TENM1: variants seen among roughly 807,000 people sequenced by gnomAD.
TENM1 encodes teneurin transmembrane protein 1.
Under a neutral mutation model 174.8 loss-of-function variants are expected in TENM1, and 35 were observed. The observed-to-expected ratio is 0.20, with a 90% CI of 0.15 to 0.27. The LOEUF is 0.27. Among genes scored for constraint, TENM1 ranks in the 10% least tolerant of loss-of-function variants. The pLI is 1.00. For synonymous variants in TENM1, 781 were observed against 798.7 expected (o/e 0.98, Z 0.37); for missense variants, 1,633 against 2,130.1 (o/e 0.77, Z 4.59).
chrX:124,567,528 G>A (rs900421682), intron 11 of TENM1, among the ~76,000 whole-genome samples: 2 of 111,956 alleles, frequency 1.8e-5, no homozygotes, highest in African/African-American at 6.5e-5. Context: ...CATGGAATTC[G>A]TTGATGACTT....
At chrX:124,506,196 G>A (rs146247046) in intron 18 of TENM1, among the ~76,000 whole-genome samples, 14 of 111,744 alleles carry the variant, frequency 1.3e-4, no homozygotes, top group Admixed American at 3.8e-4. Context: ...TCCCTTCTCC[G>A]GAAGGTGATT....
chrX:124,877,311 T>C (rs1356476026), intron 3 of TENM1, among the ~76,000 whole-genome samples: 1 of 112,336 alleles, frequency 8.9e-6, no homozygotes, highest in Admixed American at 9.4e-5. Context: ...ATTTGTAATT[T>C]TTTGGCTGCA....
In TENM1 at chrX:124,615,762, A is replaced by T. The variant is rs759772250; in HGVS notation, c.2077+26029T>A. On this transcript the variant is annotated intron_variant, in intron 11 of 31. Transcript: ENST00000422452. ...CTTGATGACTTTTGGATATAGGTTAACTTCTATGAAGTCTCGGTCACAGAG... is the reference window on the plus strand; with the variant it reads ...CTTGATGACTTTTGGATATAGGTTATCTTCTATGAAGTCTCGGTCACAGAG... 4.5e-5 allele frequency among the ~76,000 whole-genome samples: 5 copies of T among 111,710 alleles called. No homozygotes were observed. The Admixed American group carries it at 4.8e-4, about 11-fold the overall frequency.
At chrX:124,590,863 C>T (rs902001726) in intron 11 of TENM1, among the ~76,000 whole-genome samples, 19 of 111,816 alleles carry the variant, frequency 1.7e-4, no homozygotes, top group African/African-American at 6.2e-4. Flanking sequence ...TGTGTAGCTG[C>T]CTAAGTCTTT....
At chrX:124,977,967 TGAGAGAGAGAGAGAGAGAGAGA>T in the TENM1 span, among the ~76,000 whole-genome samples, 178 of 33,069 alleles carry the variant, frequency 5.4e-3, 1 homozygote, top group South Asian at 9.1e-3. Context: ...TGTGTGTGTG[TGAGAGAGAGAGAGAGAGAGAGA>T]GAGAGAGAGA....
intron 4 of TENM1, among the ~76,000 whole-genome samples, chrX:124,734,610 T>C (rs2053631784): frequency 9.0e-6 from 1 of 111,590 alleles, no homozygotes; most frequent in African/African-American, 3.3e-5. Flanking sequence ...ATCTGGTAAG[T>C]GATGGATGAT....
chrX:124,428,918 G>A (rs1263735049), intron 23 of TENM1, among the ~76,000 whole-genome samples: 1 of 111,713 alleles, frequency 9.0e-6, no homozygotes, highest in African/African-American at 3.3e-5. Flanking sequence ...CTTCTAAAAT[G>A]TGAATAGGTG....
chrX:124,865,649 G>A (rs1303081362), intron 3 of TENM1, among the ~76,000 whole-genome samples: 1 of 111,310 alleles, frequency 9.0e-6, no homozygotes, highest in African/African-American at 3.3e-5. Flanking sequence ...AAAATGGCAG[G>A]AGTAAGTCCT....
the TENM1 span, among the ~76,000 whole-genome samples, chrX:125,033,245 A>G: frequency 0.016 from 1,830 of 111,540 alleles, 49 homozygotes; most frequent in African/African-American, 0.056. Context: ...TGAGTATCAT[A>G]TATGAAAATG....
chrX:124,584,052 C>A (rs1245620214), intron 11 of TENM1, among the ~76,000 whole-genome samples: 1 of 109,760 alleles, frequency 9.1e-6, no homozygotes, highest in Admixed American at 9.7e-5. Flanking sequence ...ACCAAATCTA[C>A]GTCTGATTGG....
At chrX:124,554,073 C>A (rs1445556358) in intron 14 of TENM1, among the ~76,000 whole-genome samples, 1 of 111,540 alleles carries the variant, frequency 9.0e-6, no homozygotes, top group Non-Finnish European at 1.9e-5. Flanking sequence ...TGCACCACTG[C>A]ACTCAAGTCT....
intron 6 of TENM1, among the ~76,000 whole-genome samples, chrX:124,668,565 G>A (rs773763980): frequency 1.8e-5 from 2 of 111,180 alleles, no homozygotes; most frequent in Non-Finnish European, 3.8e-5. Flanking sequence ...TGGATGAAGC[G>A]GGAAACCGTC....
intron 3 of TENM1, among the ~76,000 whole-genome samples, chrX:124,749,785 A>G (rs762559143): frequency 1.4e-3 from 152 of 111,871 alleles, no homozygotes; most frequent in African/African-American, 4.9e-3. Flanking sequence ...TATCTGCTCA[A>G]TTTTGTAACT....
the TENM1 span, among the ~76,000 whole-genome samples, chrX:125,050,320 C>T: frequency 3.7e-5 from 4 of 109,218 alleles, no homozygotes; most frequent in Non-Finnish European, 7.6e-5. Flanking sequence ...CCTGCCCCCA[C>T]CCCACAACAG....
chrX:124,722,207 T>C (rs188056874), intron 4 of TENM1, among the ~76,000 whole-genome samples: 112 of 112,600 alleles, frequency 9.9e-4, no homozygotes, highest in African/African-American at 2.9e-3. Context: ...ATGAAGCTAA[T>C]ATCATGTTGT....
the TENM1 span, among the ~76,000 whole-genome samples, chrX:125,178,172 A>T: frequency 1.8e-5 from 2 of 111,504 alleles, no homozygotes; most frequent in Non-Finnish European, 3.8e-5. Context: ...TTGGCAGTGA[A>T]TGACTATAAT....
intron 3 of TENM1, among the ~76,000 whole-genome samples, chrX:124,745,004 TAGTG>T (rs1327088184): frequency 2.7e-5 from 3 of 111,776 alleles, no homozygotes; most frequent in Non-Finnish European, 3.8e-5. Context: ...ATATGTTAAA[TAGTG>T]AGGGCACGCT....
the TENM1 span, among the ~76,000 whole-genome samples, chrX:125,010,382 AC>A: frequency 9.0e-6 from 1 of 110,815 alleles, no homozygotes. Flanking sequence ...AAGAGAGGAC[AC>A]AAACAAATAG....
At chrX:124,615,496 C>A (rs748503430) in intron 11 of TENM1, among the ~76,000 whole-genome samples, 3 of 112,069 alleles carry the variant, frequency 2.7e-5, no homozygotes, top group East Asian at 2.8e-4. Context: ...AATATAATAA[C>A]AATTGGCAAA....
Sources: allele counts gnomAD v4.1 joint callset (sites outside exome capture counted in the v4.1 genomes callset), GRCh38; gene constraint gnomAD v4.1.1; transcripts MANE v1.5; gene names NCBI Gene and HGNC (gene_info 2026-07-23, HGNC 2026-07-21).